TRRAP: variants seen among roughly 807,000 people sequenced by gnomAD.
TRRAP encodes transformation/transcription domain associated protein.
In TRRAP, 41 loss-of-function variants were observed where a neutral mutation model predicts 438.8. That is an observed-to-expected ratio of 0.09 (90% CI 0.07 to 0.12). The LOEUF (loss-of-function observed/expected upper bound fraction) is 0.12, where lower values mean the gene tolerates loss of function less well. Among genes scored for constraint, TRRAP ranks in the 10% least tolerant of loss-of-function variants. The pLI, the probability that TRRAP is intolerant of heterozygous loss-of-function variation, is 1.00. For missense variants in TRRAP, 3,122 were observed against 5,055.1 expected, an observed-to-expected ratio of 0.62 and a Z score of 11.60; for synonymous variants, 1,994 against 1,962.9, an observed-to-expected ratio of 1.02 and a Z score of -0.42.
At chr7:98,952,618 G>A (rs782429999) in intron 39 of TRRAP, among the ~76,000 whole-genome samples, 39 of 152,294 alleles carry the variant, frequency 2.6e-4, no homozygotes, top group Non-Finnish European at 4.4e-4. Context: ...GGATGTGTCC[G>A]GGAGAGACAT....
chr7:98,973,148 T>C (rs1334451905), intron 53 of TRRAP, among the ~76,000 whole-genome samples: 1 of 151,984 alleles, frequency 6.6e-6, no homozygotes, highest in Non-Finnish European at 1.5e-5. Flanking sequence ...CCTGGCCAAT[T>C]TTTGTATTTT....
At chr7:99,008,650 G>T in intron 70 of TRRAP, 89 bp downstream of exon 70, 1 of 1,427,830 alleles carries the variant, frequency 7.0e-7, no homozygotes, top group East Asian at 2.4e-5. Context: ...TTTAGGAGAT[G>T]AACAGGCATT....
Position 98,890,318 on chromosome 7 carries a change from T to G in TRRAP, c.151-17T>G. The G allele has an allele frequency of 6.7e-7, 1 of 1,486,380 alleles. No individual in the cohort carries two copies. Among genetic ancestry groups the G allele is most frequent in the Non-Finnish European group, 9.0e-7 (1 of 1,108,366 alleles). The allele number at this position is 1,486,380 out of a possible 1,614,324, so 92.1% of individuals were successfully genotyped here. ...ATACACATAACTGAATGGGGTCTTT[T>G]ATTTTTGCACAATTAGAATGTCACG... On this transcript the variant is annotated splice_polypyrimidine_tract_variant and intron_variant, in intron 3 of 72. Coordinates refer to ENST00000456197, the MANE Select transcript of TRRAP (RefSeq NM_001375524.1).
chr7:98,898,071 G>C (rs1796302772), intron 8 of TRRAP, among the ~76,000 whole-genome samples: 2 of 152,182 alleles, frequency 1.3e-5, no homozygotes, highest in Non-Finnish European at 2.9e-5. Flanking sequence ...AGAAAGATAA[G>C]GTTGTTGTTG....
chr7:98,998,288 T>G (rs546974690), intron 67 of TRRAP, among the ~76,000 whole-genome samples: 56 of 152,322 alleles, frequency 3.7e-4, no homozygotes, highest in African/African-American at 1.3e-3. Context: ...TTTGAGCACA[T>G]TATAATATTT....
chr7:99,010,085 A>G (rs865930326), intron 70 of TRRAP, among the ~76,000 whole-genome samples: 1 of 151,478 alleles, frequency 6.6e-6, no homozygotes, highest in African/African-American at 2.4e-5. Context: ...ATGGGGTTTC[A>G]CCATGTTGGC....
At chr7:98,897,635 T>C in intron 7 of TRRAP, 106 bp from the exon 8 acceptor site, 1 of 1,409,074 alleles carries the variant, frequency 7.1e-7, no homozygotes, top group Non-Finnish European at 9.5e-7. Flanking sequence ...ACTGTTTTTT[T>C]CCACCAAAGA....
At chr7:98,914,350 C>G (rs1554409261) in intron 18 of TRRAP, among the ~76,000 whole-genome samples, 2 of 152,076 alleles carry the variant, frequency 1.3e-5, no homozygotes, top group South Asian at 4.1e-4. Context: ...CTGCAGTGCA[C>G]TTCAGCTTAG....
At position 98,930,202 on chromosome 7, in the gene TRRAP, A is replaced by G. The variant is rs782292142; in HGVS notation, c.3389A>G (p.Glu1130Gly). ...DVASIILGSKERACQLPLFSY... is the reference protein window; with the variant it reads ...DVASIILGSKGRACQLPLFSY... ...GCAAGTATCATCCTGGGCTCCAAGGAGAGGGTAAGGAAGGGTTGAGGAGTG... is the reference window on the plus strand; with the variant it reads ...GCAAGTATCATCCTGGGCTCCAAGGGGAGGGTAAGGAAGGGTTGAGGAGTG... Residue 1130 changes from glutamate to glycine, a missense_variant, in exon 24 of 73, where the codon GAG becomes GGG. Transcript: ENST00000456197. The G allele has an allele frequency of 6.2e-7, 1 of 1,614,070 alleles. No individual in the cohort carries two copies. The highest frequency in any genetic ancestry group is 8.5e-7 in the Non-Finnish European group (1 of 1,179,994).
chr7:98,930,438 C>T (rs922293730), intron 24 of TRRAP, among the ~76,000 whole-genome samples, 195 bp from the exon 25 acceptor site: 5 of 152,084 alleles, frequency 3.3e-5, no homozygotes, highest in African/African-American at 7.2e-5. Context: ...ATTAGCCAGG[C>T]GTGGTGGCGC....
At chr7:98,924,730 G>A (rs552233634) in intron 21 of TRRAP, among the ~76,000 whole-genome samples, 5 of 145,910 alleles carry the variant, frequency 3.4e-5, no homozygotes, top group Admixed American at 7.0e-5. Context: ...GTGGCTGGGC[G>A]CGGTGGCTCA....
rs73161942 is a variant in TRRAP at position 98,989,848 on chromosome 7, C to T, written c.9592-607C>T. On this transcript the variant is annotated intron_variant, in intron 63 of 72. Coordinates refer to ENST00000456197, the MANE Select transcript of TRRAP (RefSeq NM_001375524.1). ...AGTGTAGGTTAACGGGTGGGCAGGC[C>T]CCAGGCATCTTCCTGTTGCTGTCTT... Among the ~76,000 whole-genome samples the T allele has an allele frequency of 1.6e-3, 246 of 152,068 alleles. 1 individual carries two copies. Among genetic ancestry groups the T allele is most frequent in the Non-Finnish European group, 3.2e-3 (217 of 67,966 alleles).
At chr7:98,929,264 A>T (rs537351388) in intron 23 of TRRAP, among the ~76,000 whole-genome samples, 2 of 151,982 alleles carry the variant, frequency 1.3e-5, no homozygotes, top group Non-Finnish European at 2.9e-5. Flanking sequence ...TTTTAAAAAA[A>T]TTTTTATGGA....
chr7:98,999,276 A>G (rs1172988763), intron 67 of TRRAP: 4 of 1,186,214 alleles, frequency 3.4e-6, no homozygotes, highest in Non-Finnish European at 5.1e-6. Flanking sequence ...GATGTCGTAC[A>G]GGAACAGTCT....
chr7:98,951,297 T>C (rs1791326183), intron 39 of TRRAP, among the ~76,000 whole-genome samples: 1 of 152,168 alleles, frequency 6.6e-6, no homozygotes, highest in Non-Finnish European at 1.5e-5. Context: ...ATAGCAGTTA[T>C]TTTGTGAAAA....
At chr7:98,987,329 C>T (rs1793195882) in intron 62 of TRRAP, among the ~76,000 whole-genome samples, 1 of 152,216 alleles carries the variant, frequency 6.6e-6, no homozygotes, top group Non-Finnish European at 1.5e-5. Context: ...CCATCTGAAG[C>T]AAGTTTTCCA....
chr7:98,950,226 C>A lies in TRRAP; in HGVS notation c.5298C>A (p.Phe1766Leu), dbSNP rs371741710. 462 of 1,614,084 alleles carry A rather than the reference C, an allele frequency of 2.9e-4. No homozygotes were observed. The highest frequency in any genetic ancestry group is 3.7e-4 in the Non-Finnish European group (432 of 1,180,046). Residue 1766 changes from phenylalanine to leucine, a missense_variant, in exon 38 of 73, where the codon TTC becomes TTA. By Grantham distance (22) the Phe-to-Leu change is conservative. Transcript: ENST00000456197. The stretch of plus-strand genomic sequence containing the variant: ...CCCTGTTCTTTCGCTTTGTAGACTT[C>A]AACGACCCCAACTTCGGAGATGAAT... ...KRALFFRFVD[F>L]NDPNFGDELK...
Position 98,963,550 on chromosome 7 carries a change from C to T in TRRAP, c.6830-1079C>T, listed in dbSNP as rs568809059. Among the ~76,000 whole-genome samples the T allele has an allele frequency of 1.4e-4, 21 of 152,250 alleles. 1 individual carries two copies. The highest frequency in any genetic ancestry group is 3.9e-4 in the African/African-American group (16 of 41,548). On this transcript the variant is annotated intron_variant, in intron 47 of 72. Transcript: ENST00000456197. ...GTTGGCCACACCGTCGTCCCCATGCCGGATCTGGGGTGTAGTCTCAGCCGT... is the reference window on the plus strand; with the variant it reads ...GTTGGCCACACCGTCGTCCCCATGCTGGATCTGGGGTGTAGTCTCAGCCGT...
rs1554417783 is a variant in TRRAP, at chr7:98,949,779, C to T, written c.5073C>T (p.Asn1691=). ...ENFQERHRKE[N]MAATNWKEPK... The stretch of plus-strand genomic sequence containing the variant: ...TCCAAGAGAGGCACCGCAAGGAGAA[C>T]ATGGCAGCCACCAACTGGAAGGAGC... The change falls in exon 37 of 73, where the codon AAC becomes AAT. Residue 1691 remains asparagine (N), a synonymous_variant. Transcript: ENST00000456197. 1.9e-6 allele frequency: 3 copies of T among 1,613,862 alleles called. No individual in the cohort carries two copies. Among genetic ancestry groups the T allele is most frequent in the Non-Finnish European group, 2.5e-6 (3 of 1,180,036 alleles).
Sources: allele counts gnomAD v4.1 joint callset (sites outside exome capture counted in the v4.1 genomes callset), GRCh38; gene constraint gnomAD v4.1.1; transcripts MANE v1.5; gene names NCBI Gene and HGNC (gene_info 2026-07-23, HGNC 2026-07-21).